SHISA9: variants seen among roughly 807,000 people sequenced by gnomAD.
SHISA9 encodes the protein shisa family member 9, also known as protein shisa-9.
SHISA9 carries 13 observed loss-of-function variants against 38.0 expected under a neutral mutation model. The observed-to-expected ratio is 0.34, with a 90% CI of 0.22 to 0.54. The LOEUF is 0.54. Ranked by LOEUF, SHISA9 falls within the 20% of genes least tolerant of loss-of-function variation. SHISA9 has a pLI of 0.91. For missense variants in SHISA9, 538 were observed against 575.8 expected (o/e 0.93, Z 0.67); for synonymous variants, 275 against 242.0 (o/e 1.14, Z -1.27).
the SHISA9 span, among the ~76,000 whole-genome samples, chr16:13,452,517 G>A: frequency 6.6e-6 from 1 of 152,184 alleles, no homozygotes; most frequent in African/African-American, 2.4e-5. Flanking sequence ...ACAAAGGTGG[G>A]TAGGTGGAAG....
At chr16:13,027,356 C>T (rs1255275723) in intron 2 of SHISA9, among the ~76,000 whole-genome samples, 1 of 152,080 alleles carries the variant, frequency 6.6e-6, no homozygotes, top group Non-Finnish European at 1.5e-5. Context: ...TAGAGGTGCC[C>T]CAAAGAGGCT....
chr16:13,118,613 C>T (rs59794831), intron 2 of SHISA9, among the ~76,000 whole-genome samples: 4,658 of 152,246 alleles, frequency 0.031, 103 homozygotes, highest in East Asian at 0.11. Context: ...CCCAGAGATC[C>T]TGCATTTCTT....
At chr16:13,388,279 T>A in the SHISA9 span, among the ~76,000 whole-genome samples, 2 of 151,370 alleles carry the variant, frequency 1.3e-5, no homozygotes, top group African/African-American at 4.9e-5. Context: ...AAGGGGGAAA[T>A]AGTGCAGTGG....
intron 2 of SHISA9, among the ~76,000 whole-genome samples, chr16:13,076,149 A>G (rs932631211): frequency 4.0e-5 from 6 of 150,326 alleles, no homozygotes; most frequent in Non-Finnish European, 8.9e-5. Context: ...TCCTGCCTCA[A>G]CCTCCCAAGT....
chr16:13,491,466 C>T, the SHISA9 span, among the ~76,000 whole-genome samples: 1 of 149,244 alleles, frequency 6.7e-6, no homozygotes, highest in Non-Finnish European at 1.5e-5. Context: ...GTTGAGATTA[C>T]GTAGCTTACT....
At chr16:13,218,324 T>G (rs1455426501) in intron 4 of SHISA9, among the ~76,000 whole-genome samples, 1 of 152,168 alleles carries the variant, frequency 6.6e-6, no homozygotes, top group African/African-American at 2.4e-5. Context: ...ATGCACCTCC[T>G]GGGTGATTCT....
At chr16:12,993,094 C>T (rs369761730) in intron 2 of SHISA9, among the ~76,000 whole-genome samples, 12 of 152,284 alleles carry the variant, frequency 7.9e-5, no homozygotes, top group African/African-American at 2.9e-4. Flanking sequence ...ACCTCCTTCT[C>T]TAAAAGAGAT....
intron 2 of SHISA9, among the ~76,000 whole-genome samples, chr16:12,927,513 C>T (rs114629661): frequency 0.028 from 4,322 of 152,128 alleles, 175 homozygotes; most frequent in African/African-American, 0.097. Flanking sequence ...ATCTGCCCAC[C>T]TCAACCTCTC....
At chr16:13,246,353 C>A in the SHISA9 span, 1 of 152,398 alleles carries the variant, frequency 6.6e-6, no homozygotes, top group South Asian at 2.1e-4. Context: ...CTTTCACCTT[C>A]TGCCATGATT....
the SHISA9 span, among the ~76,000 whole-genome samples, chr16:13,394,647 A>G: frequency 2.0e-5 from 3 of 152,208 alleles, no homozygotes; most frequent in Non-Finnish European, 4.4e-5. Context: ...CTTAAGGCAC[A>G]GTAGGAAACA....
chr16:13,287,643 A>G, the SHISA9 span, among the ~76,000 whole-genome samples: 2 of 152,242 alleles, frequency 1.3e-5, no homozygotes, highest in East Asian at 3.9e-4. Flanking sequence ...CAGACCCTGC[A>G]GGGTCTTTTA....
intron 2 of SHISA9, among the ~76,000 whole-genome samples, chr16:13,133,523 G>T (rs957223393): frequency 6.6e-6 from 1 of 152,150 alleles, no homozygotes; most frequent in Non-Finnish European, 1.5e-5. Context: ...GGGCACCAGG[G>T]TGAGATATTT....
chr16:12,926,507 C>A (rs541977372), intron 2 of SHISA9, among the ~76,000 whole-genome samples: 3 of 152,180 alleles, frequency 2.0e-5, no homozygotes, highest in African/African-American at 7.2e-5. Flanking sequence ...ATTGGAGGTA[C>A]AAGGATGAAT....
At chr16:13,435,169 C>T in the SHISA9 span, among the ~76,000 whole-genome samples, 1 of 152,190 alleles carries the variant, frequency 6.6e-6, no homozygotes, top group East Asian at 1.9e-4. Context: ...GTAGTAAAGC[C>T]TCTATCATTT....
intron 2 of SHISA9, among the ~76,000 whole-genome samples, chr16:13,147,134 A>T (rs1645036310): frequency 6.6e-6 from 1 of 152,224 alleles, no homozygotes; most frequent in South Asian, 2.1e-4. Context: ...TGGCTGAGAT[A>T]GCATTGCCTT....
intron 2 of SHISA9, among the ~76,000 whole-genome samples, chr16:13,142,290 A>G (rs1422901705): frequency 6.6e-6 from 1 of 152,206 alleles, no homozygotes; most frequent in Non-Finnish European, 1.5e-5. Flanking sequence ...GGTCTTCCCT[A>G]AGCCCAGATC....
At position 12,950,137 on chromosome 16, in the gene SHISA9, T is replaced by G. The variant is rs148785718; in HGVS notation, c.691+33322T>G. On this transcript the variant is annotated intron_variant, in intron 2 of 4. Coordinates refer to ENST00000558583, the MANE Select transcript of SHISA9 (RefSeq NM_001145204.3). Reference sequence around the variant, plus strand: ...GTGCAATAATTTGTCTTTCTGTGCCTGACTTATTTCACTTAACATAATGTC... The same window carrying G: ...GTGCAATAATTTGTCTTTCTGTGCCGGACTTATTTCACTTAACATAATGTC... Among the ~76,000 whole-genome samples the G allele has an allele frequency of 2.6e-3, 399 of 152,374 alleles. 2 individuals carry two copies. Among genetic ancestry groups the G allele is most frequent in the Non-Finnish European group, 4.1e-3 (276 of 68,040 alleles).
At chr16:13,370,341 G>T in the SHISA9 span, among the ~76,000 whole-genome samples, 2 of 152,192 alleles carry the variant, frequency 1.3e-5, no homozygotes, top group Non-Finnish European at 2.9e-5. Context: ...ATGATATGGG[G>T]ACCAGGTCTT....
At chr16:13,384,538 T>G in the SHISA9 span, among the ~76,000 whole-genome samples, 19 of 152,294 alleles carry the variant, frequency 1.2e-4, no homozygotes, top group Admixed American at 1.1e-3. Flanking sequence ...ATGGTATCCA[T>G]TTTTCTCTAC....
Sources: allele counts gnomAD v4.1 joint callset (sites outside exome capture counted in the v4.1 genomes callset), GRCh38; gene constraint gnomAD v4.1.1; transcripts MANE v1.5; gene names NCBI Gene and HGNC (gene_info 2026-07-23, HGNC 2026-07-21).